TRAPPC9: variants seen among roughly 807,000 people sequenced by gnomAD.
TRAPPC9 encodes IKK2 binding protein.
In TRAPPC9, 83 loss-of-function variants were observed where a neutral mutation model predicts 124.0. The ratio of observed to expected loss-of-function variants is 0.67; its 90% CI spans 0.56 to 0.80. The LOEUF (loss-of-function observed/expected upper bound fraction) is 0.80, where lower values mean the gene tolerates loss of function less well. Among genes scored for constraint, TRAPPC9 ranks in the 30% least tolerant of loss-of-function variants. TRAPPC9 has a pLI of 0.00. For synonymous variants in TRAPPC9, 638 were observed against 617.5 expected, an observed-to-expected ratio of 1.03 and a Z score of -0.49; for missense variants, 1,302 against 1,508.3, an observed-to-expected ratio of 0.86 and a Z score of 2.27.
chr8:140,100,536 G>A (rs553354912), intron 17 of TRAPPC9: 4 of 152,436 alleles, frequency 2.6e-5, no homozygotes, highest in African/African-American at 9.6e-5. Context: ...ATGTACCGCT[G>A]CGGCTCTGGC....
chr8:140,441,259 T>C (rs1454076677), intron 2 of TRAPPC9, among the ~76,000 whole-genome samples: 1 of 151,466 alleles, frequency 6.6e-6, no homozygotes, highest in Non-Finnish European at 1.5e-5. Flanking sequence ...GGGATTACAG[T>C]TCTTTGCCCA....
At chr8:140,449,588 C>T (rs891175134) in intron 2 of TRAPPC9, among the ~76,000 whole-genome samples, 3 of 152,212 alleles carry the variant, frequency 2.0e-5, no homozygotes, top group Admixed American at 6.5e-5. Flanking sequence ...TCCAACACTC[C>T]TTGTACACAG....
intron 17 of TRAPPC9, among the ~76,000 whole-genome samples, chr8:140,126,965 G>T (rs2061110289): frequency 6.6e-6 from 1 of 152,200 alleles, no homozygotes; most frequent in Admixed American, 6.5e-5. Flanking sequence ...ATGGGGCTGG[G>T]TGATAGACGA....
chr8:140,298,089 C>T (rs1213398766), intron 11 of TRAPPC9, among the ~76,000 whole-genome samples: 1 of 152,150 alleles, frequency 6.6e-6, no homozygotes, highest in Non-Finnish European at 1.5e-5. Flanking sequence ...CCCAAAAATA[C>T]TGGAAAAACT....
rs563420036 is a variant in TRAPPC9 at position 140,334,821 on chromosome 8, G to C, written c.1496-23447C>G. Among the ~76,000 whole-genome samples the C allele has an allele frequency of 1.9e-3, 293 of 151,884 alleles. 2 individuals carry two copies. Among genetic ancestry groups the C allele is most frequent in the African/African-American group, 6.8e-3 (282 of 41,358 alleles). ...AATCGGATAGGTAAATTATTCTGAA[G>C]GTATAATAAAATGATGCTGAATTGA... On this transcript the variant is annotated intron_variant, in intron 9 of 22. Transcript: ENST00000438773.
At chr8:140,279,478 T>C (rs2065235555) in intron 14 of TRAPPC9, among the ~76,000 whole-genome samples, 2 of 152,136 alleles carry the variant, frequency 1.3e-5, no homozygotes, top group African/African-American at 4.8e-5. Context: ...AATATATACA[T>C]TATATACAAT....
chr8:140,088,810 T>C (rs954630658), intron 17 of TRAPPC9, among the ~76,000 whole-genome samples: 6 of 152,214 alleles, frequency 3.9e-5, no homozygotes, highest in Non-Finnish European at 7.3e-5. Context: ...TTTTTTTCTC[T>C]GATATGCTAA....
chr8:140,107,684 G>T (rs1466971980), intron 17 of TRAPPC9, among the ~76,000 whole-genome samples: 2 of 152,218 alleles, frequency 1.3e-5, no homozygotes. Flanking sequence ...AAGGCTTACA[G>T]GCGAAGGCAT....
At chr8:140,167,299 T>G (rs6988524) in intron 17 of TRAPPC9, among the ~76,000 whole-genome samples, 86,002 of 152,020 alleles carry the variant, frequency 0.57, 25,234 homozygotes, top group East Asian at 0.99. Flanking sequence ...GATTAATGGT[T>G]GTGCCACAGA....
intron 17 of TRAPPC9, among the ~76,000 whole-genome samples, chr8:140,112,256 G>T (rs543958988): frequency 6.6e-6 from 1 of 151,866 alleles, no homozygotes; most frequent in East Asian, 1.9e-4. Flanking sequence ...GACGATGGTG[G>T]GACAGGTGCG....
chr8:139,750,064 C>G (rs1819210955), intron 21 of TRAPPC9, among the ~76,000 whole-genome samples: 3 of 152,116 alleles, frequency 2.0e-5, no homozygotes, highest in Non-Finnish European at 4.4e-5. Context: ...CCCATCCCAT[C>G]TCAGCTGGGA....
At chr8:139,974,008 C>T (rs1001367787) in intron 19 of TRAPPC9, among the ~76,000 whole-genome samples, 5 of 152,170 alleles carry the variant, frequency 3.3e-5, no homozygotes, top group South Asian at 2.1e-4. Context: ...GCTTCGAGAG[C>T]GGCCTGACGG....
At chr8:139,919,029 C>T (rs143230776) in intron 19 of TRAPPC9, among the ~76,000 whole-genome samples, 310 of 152,356 alleles carry the variant, frequency 2.0e-3, no homozygotes, top group African/African-American at 7.2e-3. Flanking sequence ...CTCTGACACA[C>T]AGCATGCAGG....
At chr8:140,437,637 A>G (rs1461671137) in intron 3 of TRAPPC9, among the ~76,000 whole-genome samples, 1 of 152,176 alleles carries the variant, frequency 6.6e-6, no homozygotes, top group Non-Finnish European at 1.5e-5. Context: ...GAACGAAAGA[A>G]TTTGTTATAT....
At chr8:139,958,774 A>G (rs74630242) in intron 19 of TRAPPC9, among the ~76,000 whole-genome samples, 2,939 of 152,346 alleles carry the variant, frequency 0.019, 92 homozygotes, top group African/African-American at 0.066. Flanking sequence ...TTAGACATGT[A>G]AGGAGTGCCT....
chr8:139,905,267 T>C (rs1398885158), intron 20 of TRAPPC9, among the ~76,000 whole-genome samples: 1 of 152,148 alleles, frequency 6.6e-6, no homozygotes, highest in East Asian at 1.9e-4. Flanking sequence ...AAGGATTCTC[T>C]TTAAAATCAG....
intron 9 of TRAPPC9, among the ~76,000 whole-genome samples, chr8:140,350,944 G>A (rs967848692): frequency 6.6e-6 from 1 of 151,956 alleles, no homozygotes; most frequent in Non-Finnish European, 1.5e-5. Flanking sequence ...AGCAATGGGA[G>A]GCTGGAGTGG....
At chr8:140,251,714 A>G (rs1463939544) in intron 16 of TRAPPC9, among the ~76,000 whole-genome samples, 1 of 152,116 alleles carries the variant, frequency 6.6e-6, no homozygotes, top group Non-Finnish European at 1.5e-5. Context: ...AGCAATGGAG[A>G]TGGAGCCCCC....
intron 21 of TRAPPC9, among the ~76,000 whole-genome samples, chr8:139,798,096 T>C (rs1823227815): frequency 6.6e-6 from 1 of 152,242 alleles, no homozygotes; most frequent in Admixed American, 6.5e-5. Flanking sequence ...TTGAGGAGTG[T>C]TGCCATCTTA....
Sources: allele counts gnomAD v4.1 joint callset (sites outside exome capture counted in the v4.1 genomes callset), GRCh38; gene constraint gnomAD v4.1.1; transcripts MANE v1.5; gene names NCBI Gene and HGNC (gene_info 2026-07-23, HGNC 2026-07-21).